VPS13B: variants seen among roughly 807,000 people sequenced by gnomAD.
The protein encoded by VPS13B is intermembrane lipid transfer protein VPS13B.
A neutral mutation model predicts 426.4 loss-of-function variants in VPS13B; 285 were observed. The observed-to-expected ratio is 0.67, with a 90% CI of 0.61 to 0.74. The LOEUF is 0.74. VPS13B is among the 30% of genes least tolerant of loss of function. The probability of loss-of-function intolerance (pLI) is 0.00; values close to 1 mark genes in which losing one functional copy is unlikely to be tolerated. For synonymous variants in VPS13B, 1,676 were observed against 1,676.4 expected (o/e 1.00, Z 0.01); for missense variants, 4,537 against 4,782.6 (o/e 0.95, Z 1.51).
rs373747903 is a variant in VPS13B at position 99,096,220 on chromosome 8, G to A, written c.292-92G>A. ...AATTATGTTGATCTTATCTCCTGTAGCTACCATAAACTGCATATATTAAAA... is the reference window on the plus strand; with the variant it reads ...AATTATGTTGATCTTATCTCCTGTAACTACCATAAACTGCATATATTAAAA... On this transcript the variant is annotated intron_variant, in intron 3 of 61. Transcript: ENST00000357162. 2.0e-5 allele frequency: 29 copies of A among 1,418,288 alleles called. No homozygotes were observed. In the African/African-American group the frequency reaches 3.5e-4, roughly 17 times the overall value. 87.9% of individuals were successfully genotyped at this position (1,418,288 alleles called of 1,614,324 possible). A position where few individuals can be genotyped will look rare whatever the true frequency, so the allele number is the denominator to read the frequency against.
chr8:99,259,866 G>T (rs1817953992), intron 17 of VPS13B, among the ~76,000 whole-genome samples: 1 of 152,070 alleles, frequency 6.6e-6, no homozygotes. Flanking sequence ...CAAAGAATTT[G>T]AGGAAATAAT....
intron 30 of VPS13B, among the ~76,000 whole-genome samples, chr8:99,537,448 A>G (rs1392086575): frequency 6.6e-6 from 1 of 152,212 alleles, no homozygotes; most frequent in South Asian, 2.1e-4. Context: ...ATCATATACA[A>G]TGCGAAAACA....
intron 28 of VPS13B, among the ~76,000 whole-genome samples, chr8:99,509,155 T>A (rs577156291): frequency 6.6e-6 from 1 of 152,290 alleles, no homozygotes; most frequent in African/African-American, 2.4e-5. Flanking sequence ...CTGTGGCCTC[T>A]TCCACTGGGG....
At chr8:99,215,702 C>A (rs1040738158) in intron 17 of VPS13B, among the ~76,000 whole-genome samples, 2 of 152,114 alleles carry the variant, frequency 1.3e-5, no homozygotes. Flanking sequence ...CCATTCAGTG[C>A]CCAAGGTTTT....
intron 55 of VPS13B, among the ~76,000 whole-genome samples, chr8:99,850,277 G>C: frequency 8.4e-6 from 1 of 119,518 alleles, no homozygotes; most frequent in Non-Finnish European, 1.7e-5. Context: ...ACGCATGTAT[G>C]TACTTATACA....
At chr8:99,786,024 A>G (rs898689707) in intron 43 of VPS13B, among the ~76,000 whole-genome samples, 1 of 152,202 alleles carries the variant, frequency 6.6e-6, no homozygotes, top group Non-Finnish European at 1.5e-5. Context: ...TTGAAGATGC[A>G]TAGCTTGCAT....
intron 3 of VPS13B, among the ~76,000 whole-genome samples, chr8:99,046,649 T>G (rs571210284): frequency 6.6e-6 from 1 of 152,270 alleles, no homozygotes; most frequent in African/African-American, 2.4e-5. Context: ...TTTCAACTTT[T>G]CCCCATTTAG....
At chr8:99,546,730 G>A (rs930634793) in intron 30 of VPS13B, among the ~76,000 whole-genome samples, 9 of 151,774 alleles carry the variant, frequency 5.9e-5, no homozygotes, top group Non-Finnish European at 1.2e-4. Flanking sequence ...TGGAATGACT[G>A]GAAATGAAAG....
rs187335699 is a variant in VPS13B, at chr8:99,744,525, A to C, written c.7051-22249A>C. On this transcript the variant is annotated intron_variant, in intron 39 of 61. Coordinates refer to ENST00000357162, the MANE Select transcript of VPS13B (RefSeq NM_152564.5). ...GCTATAAAGACACATGCACACGTAT[A>C]TTTATTGCGGCACTATTCACAATAG... Among the ~76,000 whole-genome samples, 24 of 152,224 alleles carry C rather than the reference A, an allele frequency of 1.6e-4. No individual in the cohort carries two copies. In the East Asian group the frequency reaches 4.4e-3, roughly 28 times the overall value.
intron 60 of VPS13B, 110 bp from the exon 61 acceptor site, chr8:99,871,338 T>C: frequency 6.6e-7 from 1 of 1,524,412 alleles, no homozygotes; most frequent in African/African-American, 1.4e-5. Context: ...ACTGGATTGG[T>C]GAGGGCCCTT....
At chr8:99,308,134 T>A (rs1820736143) in intron 19 of VPS13B, among the ~76,000 whole-genome samples, 1 of 152,024 alleles carries the variant, frequency 6.6e-6, no homozygotes, top group South Asian at 2.1e-4. Context: ...ATTTTGATTT[T>A]TTAAAATTTC....
At chr8:99,797,932 C>T (rs905189703) in intron 43 of VPS13B, among the ~76,000 whole-genome samples, 3 of 152,140 alleles carry the variant, frequency 2.0e-5, no homozygotes, top group African/African-American at 7.2e-5. Flanking sequence ...CAGAAATCTA[C>T]AGTATCACCC....
chr8:99,604,702 C>A (rs539329380), intron 33 of VPS13B, among the ~76,000 whole-genome samples: 27 of 152,076 alleles, frequency 1.8e-4, no homozygotes, highest in African/African-American at 6.0e-4. Context: ...TGGGGTTTCA[C>A]AGTGGTCTCG....
intron 19 of VPS13B, among the ~76,000 whole-genome samples, chr8:99,333,776 T>C (rs1017252506): frequency 2.6e-5 from 4 of 152,010 alleles, no homozygotes; most frequent in Non-Finnish European, 4.4e-5. Flanking sequence ...TCATGTAATA[T>C]ATAACCTTTC....
chr8:99,876,342 T>C lies in VPS13B; in HGVS notation c.*676T>C, dbSNP rs1563523713. On this transcript the variant is annotated 3_prime_UTR_variant, in exon 62 of 62. Coordinates refer to ENST00000357162, the MANE Select transcript of VPS13B (RefSeq NM_152564.5). ...ATGTGTATTTTCTCTGAAGTCTGCA[T>C]TTTACTAAAATTTACAACAGTCTGA... 6.7e-6 allele frequency: 1 copy of C among 149,568 alleles called. No homozygotes were observed. The highest frequency in any genetic ancestry group is 2.6e-5 in the African/African-American group (1 of 39,142). 9.3% of individuals were successfully genotyped at this position (149,568 alleles called of 1,614,324 possible). A position where few individuals can be genotyped will look rare whatever the true frequency, so the allele number is the denominator to read the frequency against.
At chr8:99,577,398 C>G (rs1825826696) in intron 32 of VPS13B, 92 bp from the exon 33 acceptor site, 4 of 1,569,518 alleles carry the variant, frequency 2.5e-6, no homozygotes, top group Non-Finnish European at 3.5e-6. Flanking sequence ...GAAATGTCAC[C>G]AAAGTAGTGA....
intron 35 of VPS13B, among the ~76,000 whole-genome samples, chr8:99,662,061 G>A (rs1563850243): frequency 6.6e-6 from 1 of 152,122 alleles, no homozygotes; most frequent in African/African-American, 2.4e-5. Flanking sequence ...ATGTACTATA[G>A]TTATTCTTAT....
chr8:99,712,630 G>C (rs569146461), intron 36 of VPS13B, among the ~76,000 whole-genome samples: 1 of 151,960 alleles, frequency 6.6e-6, no homozygotes, highest in South Asian at 2.1e-4. Context: ...CTCTCTTCTT[G>C]TTCCAGCCTC....
chr8:99,738,177 T>C (rs1833923484), intron 39 of VPS13B, among the ~76,000 whole-genome samples: 1 of 152,266 alleles, frequency 6.6e-6, no homozygotes, highest in Non-Finnish European at 1.5e-5. Context: ...TGATTGAAAA[T>C]TATTCAGCGT....
Sources: gnomAD v4.1 joint callset for allele counts (sites outside exome capture counted in the v4.1 genomes callset) on GRCh38, gnomAD v4.1.1 for gene constraint, MANE v1.5 for transcripts, NCBI Gene and HGNC (gene_info 2026-07-23, HGNC 2026-07-21) for gene names.